The following C20orf141 variants were observed in gnomAD, a reference collection of about 807,000 sequenced individuals.
C20orf141 encodes the protein uncharacterized protein C20orf141.
A neutral mutation model predicts 7.8 loss-of-function variants in C20orf141; 8 were observed. The ratio of observed to expected loss-of-function variants is 1.03; its 90% confidence interval spans 0.60 to 1.85. The LOEUF (loss-of-function observed/expected upper bound fraction) is 1.85, where lower values mean the gene tolerates loss of function less well. Ranked by LOEUF, C20orf141 falls within the 40% of genes most tolerant of loss-of-function variation. The pLI is 0.00. For missense variants in C20orf141, 220 were observed against 203.1 expected (o/e 1.08, Z -0.51); for synonymous variants, 101 against 90.8 (o/e 1.11, Z -0.64).
chr20:2,815,105 C>G, intron 1 of C20orf141, 47 bp from the exon 2 acceptor site: 3 of 1,550,790 alleles, frequency 1.9e-6, no homozygotes, highest in Non-Finnish European at 2.6e-6. Context: ...TTCTGTCTGC[C>G]CGGGCCCTAC....
chr20:2,815,012 G>T lies in C20orf141; in HGVS notation c.-39G>T. ...ACTCCCAGAATGCTGACCAAAGTGG[G>T]AGGAGGTGAGGAGGGTTTGCTGGGT... On this transcript the variant is annotated 5_prime_UTR_variant, in exon 1 of 3. Coordinates refer to ENST00000603872, the MANE Select transcript of C20orf141 (RefSeq NM_001256538.2). 1.3e-6 allele frequency: 1 copy of T among 769,784 alleles called. No homozygotes were observed. Among genetic ancestry groups the T allele is most frequent in the Non-Finnish European group, 2.1e-6 (1 of 483,642 alleles). The allele number at this position is 769,784 out of a possible 1,614,324, so 47.7% of individuals were successfully genotyped here.
Position 2,815,103 on chromosome 20 carries a change from G to A in C20orf141, c.-33-49G>A, listed in dbSNP as rs2088650727. ...CCACTCTGAGCTCACCCTTCTGTCT[G>A]CCCGGGCCCTACCCCTTCCCCTACT... On this transcript the variant is annotated intron_variant, in intron 1 of 2. Coordinates refer to ENST00000603872, the MANE Select transcript of C20orf141 (RefSeq NM_001256538.2). 3.1e-5 allele frequency: 48 copies of A among 1,542,282 alleles called. 2 individuals carry two copies. In the South Asian group the frequency reaches 5.5e-4, roughly 18 times the overall value.
chr20:2,815,660 T>A lies in C20orf141; in HGVS notation c.383T>A (p.Leu128His). The change falls in exon 3 of 3, where the codon CTT becomes CAT. Residue 128 changes from leucine to histidine, a missense_variant. By Grantham distance (99) the Leu-to-His change is moderately conservative. Coordinates refer to ENST00000603872, the MANE Select transcript of C20orf141 (RefSeq NM_001256538.2). ...CAAATGGGTACAGTCTCAGGACAAC[T>A]TAGCCTCCAGGACGCACTGCTGCTG... ...LLQMGTVSGQ[L>H]SLQDALLLLL... 6.2e-7 allele frequency: 1 copy of A among 1,614,070 alleles called. No homozygotes were observed. Among genetic ancestry groups the A allele is most frequent in the Non-Finnish European group, 8.5e-7 (1 of 1,180,002 alleles).
rs996266474 is a variant in C20orf141 at position 2,815,034 on chromosome 20, G to A, written c.-34+17G>A. Reference sequence around the variant, plus strand: ...TGGGAGGAGGTGAGGAGGGTTTGCTGGGTGGGTATGGGGGAGGGGGAGACT... The same window carrying A: ...TGGGAGGAGGTGAGGAGGGTTTGCTAGGTGGGTATGGGGGAGGGGGAGACT... On this transcript the variant is annotated intron_variant, in intron 1 of 2. Coordinates refer to ENST00000603872, the MANE Select transcript of C20orf141 (RefSeq NM_001256538.2). 8.2e-6 allele frequency: 8 copies of A among 979,980 alleles called. No homozygotes were observed. The highest frequency in any genetic ancestry group is 7.0e-5 in the Admixed American group (3 of 42,900). The allele number at this position is 979,980 out of a possible 1,614,324, so 60.7% of individuals were successfully genotyped here. A position where few individuals can be genotyped will look rare whatever the true frequency, so the allele number is the denominator to read the frequency against.
In C20orf141 at chr20:2,815,406, G is replaced by A. The variant is rs954861800; in HGVS notation, c.222G>A (p.Leu74=). Residue 74 remains leucine (L), a synonymous_variant, in exon 2 of 3, where the codon CTG becomes CTA. Coordinates refer to ENST00000603872, the MANE Select transcript of C20orf141 (RefSeq NM_001256538.2). ...CCACCACTGGCCCAGCCCTGCTGCTGCTTCTGGTCAGCTTCCTCACCTTTG... is the reference window on the plus strand; with the variant it reads ...CCACCACTGGCCCAGCCCTGCTGCTACTTCTGGTCAGCTTCCTCACCTTTG... ...VFSTTGPALL[L]LLVSFLTFDL... is the part of the protein sequence containing the mutation. 6.4e-7 allele frequency: 1 copy of A among 1,565,342 alleles called. No individual in the cohort carries two copies. Among genetic ancestry groups the A allele is most frequent in the Non-Finnish European group, 8.7e-7 (1 of 1,153,236 alleles).
At position 2,815,292 on chromosome 20, in the gene C20orf141, T is replaced by A. The variant is rs377607985; in HGVS notation, c.108T>A (p.Pro36=). 1.2e-5 allele frequency: 19 copies of A among 1,612,274 alleles called. No homozygotes were observed. The African/African-American group carries it at 2.3e-4, about 19-fold the overall frequency. The change falls in exon 2 of 3, where the codon CCT becomes CCA. Residue 36 remains proline (P), a synonymous_variant. Transcript: ENST00000603872. The part of the protein sequence containing the change: ...GEGSGSPVRP[P]VSTWGPSWAQ... The stretch of plus-strand genomic sequence containing the variant: ...GGTCAGGTAGTCCAGTGCGTCCACC[T>A]GTATCCACCTGGGGCCCTAGCTGGG...
chr20:2,815,307 C>A lies in C20orf141; in HGVS notation c.123C>A (p.Gly41=). The A allele has an allele frequency of 6.2e-7, 1 of 1,610,512 alleles. No homozygotes were observed. Among genetic ancestry groups the A allele is most frequent in the Non-Finnish European group, 8.5e-7 (1 of 1,177,962 alleles). The change falls in exon 2 of 3, where the codon GGC becomes GGA. Residue 41 remains glycine (G), a synonymous_variant. Transcript: ENST00000603872. ...SPVRPPVSTW[G]PSWAQLLDSV... is the part of the protein sequence containing the mutation. Reference sequence around the variant, plus strand: ...TGCGTCCACCTGTATCCACCTGGGGCCCTAGCTGGGCCCAGCTCCTGGACA... The same window carrying A: ...TGCGTCCACCTGTATCCACCTGGGGACCTAGCTGGGCCCAGCTCCTGGACA...
rs2088653571 is a variant in C20orf141, at chr20:2,815,288, C to G, written c.104C>G (p.Pro35Arg). 6.2e-7 allele frequency: 1 copy of G among 1,612,204 alleles called. No homozygotes were observed. Among genetic ancestry groups the G allele is most frequent in the Non-Finnish European group, 8.5e-7 (1 of 1,179,012 alleles). ...GAGGGGTCAGGTAGTCCAGTGCGTC[C>G]ACCTGTATCCACCTGGGGCCCTAGC... The part of the protein sequence containing the change: ...AGEGSGSPVR[P>R]PVSTWGPSWA... Residue 35 changes from proline to arginine, a missense_variant, in exon 2 of 3, where the codon CCA becomes CGA. Physicochemically the swap from Pro to Arg is moderately radical, Grantham distance 103. Coordinates refer to ENST00000603872, the MANE Select transcript of C20orf141 (RefSeq NM_001256538.2).
intron 1 of C20orf141, 47 bp downstream of exon 1, chr20:2,815,064 A>T (rs916736670): frequency 3.2e-6 from 4 of 1,265,568 alleles, no homozygotes; most frequent in Non-Finnish European, 4.4e-6. Flanking sequence ...GAGACTCTGC[A>T]GGAGCCTAAT....
rs754863190 is a variant in C20orf141, at chr20:2,815,250, C to T, written c.66C>T (p.Gly22=). 93 of 1,613,986 alleles carry T rather than the reference C, an allele frequency of 5.8e-5. 1 individual carries two copies. Among genetic ancestry groups the T allele is most frequent in the South Asian group, 1.6e-4 (15 of 91,086 alleles). ...ATCCGATCCCAGTTCCTCCAAGGGG[C>T]CTGGGTGCTGGGGAGGGGTCAGGTA... The part of the protein sequence containing the change: ...REDPIPVPPR[G]LGAGEGSGSP... The change falls in exon 2 of 3, where the codon GGC becomes GGT. Residue 22 remains glycine (G), a synonymous_variant. Coordinates refer to ENST00000603872, the MANE Select transcript of C20orf141 (RefSeq NM_001256538.2).
rs775091200 is a variant in C20orf141 at position 2,815,538 on chromosome 20, G to T, written c.261G>T (p.Arg87Ser). 6.2e-7 allele frequency: 1 copy of T among 1,609,788 alleles called. No individual in the cohort carries two copies. Among genetic ancestry groups the T allele is most frequent in the Non-Finnish European group, 8.5e-7 (1 of 1,177,360 alleles). ...CAGTCACCACCCTCTCTCTCCACAG[G>T]CCCGCAGGTCACACTCTGCCACAGC... ...VSFLTFDLLHRPAGHTLPQRK... is the reference protein window; with the variant it reads ...VSFLTFDLLHSPAGHTLPQRK... Residue 87 changes from arginine (R) to serine (S), a missense_variant and splice_region_variant, in exon 3 of 3, where the codon AGG becomes AGT. Physicochemically the swap from Arg to Ser is moderately radical, Grantham distance 110. Coordinates refer to ENST00000603872, the MANE Select transcript of C20orf141 (RefSeq NM_001256538.2).
At chr20:2,815,086 A>G (rs1600277163) in intron 1 of C20orf141, 66 bp from the exon 2 acceptor site, 1 of 1,457,292 alleles carries the variant, frequency 6.9e-7, no homozygotes, top group East Asian at 2.3e-5. Context: ...CCCCACTCTG[A>G]GCTCACCCTT....
chr20:2,815,263 G>T lies in C20orf141; in HGVS notation c.79G>T (p.Glu27Ter). 6.2e-7 allele frequency: 1 copy of T among 1,614,016 alleles called. No individual in the cohort carries two copies. The highest frequency in any genetic ancestry group is 8.5e-7 in the Non-Finnish European group (1 of 1,179,952). Residue 27 changes from glutamate (E) to a stop codon, truncating the protein, a stop_gained, in exon 2 of 3, where the codon GAG becomes TAG. Transcript: ENST00000603872. LOFTEE classifies it high-confidence loss of function. ...TCCTCCAAGGGGCCTGGGTGCTGGG[G>T]AGGGGTCAGGTAGTCCAGTGCGTCC... ...PVPPRGLGAG[E>*]GSGSPVRPPV... is the part of the protein sequence containing the mutation.
Position 2,815,622 on chromosome 20 carries a change from G to T in C20orf141, c.345G>T (p.Glu115Asp). 1 of 1,614,016 alleles carries T rather than the reference G, an allele frequency of 6.2e-7. No homozygotes were observed. Among genetic ancestry groups the T allele is most frequent in the East Asian group, 2.2e-5 (1 of 44,882 alleles). ...CCGGTGAAGGTCCTGGACAGCAGGAGGCTCTACTCCTGCAAATGGGTACAG... is the reference window on the plus strand; with the variant it reads ...CCGGTGAAGGTCCTGGACAGCAGGATGCTCTACTCCTGCAAATGGGTACAG... ...QGAGEGPGQQEALLLQMGTVS... is the reference protein window; with the variant it reads ...QGAGEGPGQQDALLLQMGTVS... Residue 115 changes from glutamate to aspartate, a missense_variant, in exon 3 of 3, where the codon GAG becomes GAT. By Grantham distance (45) the Glu-to-Asp change is conservative (BLOSUM62 2). Coordinates refer to ENST00000603872, the MANE Select transcript of C20orf141 (RefSeq NM_001256538.2).
chr20:2,815,436 G>T lies in C20orf141; in HGVS notation c.252G>T (p.Leu84=), dbSNP rs749464395. The change falls in exon 2 of 3, where the codon CTG becomes CTT. Residue 84 remains leucine, a synonymous_variant. Coordinates refer to ENST00000603872, the MANE Select transcript of C20orf141 (RefSeq NM_001256538.2). ...TGGTCAGCTTCCTCACCTTTGACCT[G>T]CTCCATAGGTAAGTGGGCAGCAGCC... is the stretch of plus-strand genomic sequence containing the variant. ...LLLVSFLTFD[L]LHRPAGHTLP... 1.3e-5 allele frequency: 21 copies of T among 1,562,680 alleles called. No homozygotes were observed. The Admixed American group carries it at 2.8e-4, about 21-fold the overall frequency.
At position 2,815,152 on chromosome 20, in the gene C20orf141, CA is replaced by C. The variant is rs1370554764; in HGVS notation, c.-32del. ...CTCTCACCCTTATAATCCTTTTCAG[CA>C]CTAGGTCTTCCCGTCACCTCCACCT... On this transcript the variant is annotated splice_region_variant and 5_prime_UTR_variant, in exon 2 of 3. It introduces an in-frame stop codon into an upstream open reading frame of the 5' UTR. Coordinates refer to ENST00000603872, the MANE Select transcript of C20orf141 (RefSeq NM_001256538.2). 2 of 1,611,880 alleles carry C rather than the reference CA, an allele frequency of 1.2e-6. No homozygotes were observed. The highest frequency in any genetic ancestry group is 3.3e-5 in the Admixed American group (2 of 59,808).
intron 1 of C20orf141, 32 bp downstream of exon 1, chr20:2,815,049 AG>A: frequency 4.5e-6 from 5 of 1,112,858 alleles, no homozygotes; most frequent in Admixed American, 2.1e-5. Flanking sequence ...GGTATGGGGG[AG>A]GGGGAGACTC....
In C20orf141 at chr20:2,815,786, C is replaced by T. The variant is rs982333174; in HGVS notation, c.*11C>T. ...CATCCTTGGGCCTGAGAGCCCCTCC[C>T]CACAACTCAGTGTCCTTCAAATATA... On this transcript the variant is annotated 3_prime_UTR_variant, in exon 3 of 3. Coordinates refer to ENST00000603872, the MANE Select transcript of C20orf141 (RefSeq NM_001256538.2). 1 of 1,599,758 alleles carries T rather than the reference C, an allele frequency of 6.3e-7. No homozygotes were observed. The highest frequency in any genetic ancestry group is 8.5e-7 in the Non-Finnish European group (1 of 1,172,784).
rs552625562 is a variant in C20orf141, at chr20:2,815,369, A to C, written c.185A>C (p.Gln62Pro). The change falls in exon 2 of 3, where the codon CAG (glutamine) becomes CCG (proline). Residue 62 changes from glutamine to proline, a missense_variant. Coordinates refer to ENST00000603872, the MANE Select transcript of C20orf141 (RefSeq NM_001256538.2). ...LWLGALGLTI[Q>P]AVFSTTGPAL... ...CTGGGGGCACTAGGACTGACAATCCAGGCAGTCTTTTCCACCACTGGCCCA... is the reference window on the plus strand; with the variant it reads ...CTGGGGGCACTAGGACTGACAATCCCGGCAGTCTTTTCCACCACTGGCCCA... 22 of 1,587,872 alleles carry C rather than the reference A, an allele frequency of 1.4e-5. No individual in the cohort carries two copies. In the East Asian group the frequency reaches 4.3e-4, roughly 31 times the overall value.
Sources: allele counts gnomAD v4.1 joint callset, GRCh38; gene constraint gnomAD v4.1.1; transcripts MANE v1.5; gene names NCBI Gene and HGNC (gene_info 2026-07-23, HGNC 2026-07-21).